The following FMNL2 variants were observed in gnomAD, a reference collection of about 807,000 sequenced individuals.
FMNL2 encodes the protein formin like 2.
Under a neutral mutation model 130.2 loss-of-function variants are expected in FMNL2, and 51 were observed. That is an observed-to-expected ratio of 0.39 (90% CI 0.31 to 0.49). The LOEUF (loss-of-function observed/expected upper bound fraction) is 0.49. Ranked by LOEUF, FMNL2 falls within the 20% of genes least tolerant of loss-of-function variation. FMNL2 has a pLI of 0.85. For missense variants in FMNL2, 977 were observed against 1,316.2 expected (o/e 0.74, Z 3.99); for synonymous variants, 465 against 467.1 (o/e 1.00, Z 0.06).
At chr2:152,461,004 C>G (rs1490593211) in intron 1 of FMNL2, among the ~76,000 whole-genome samples, 1 of 152,172 alleles carries the variant, frequency 6.6e-6, no homozygotes, top group South Asian at 2.1e-4. Flanking sequence ...ACTACCTGGT[C>G]CATGGAAAAA....
At chr2:152,335,743 G>GCGCGGGGA in intron 1 of FMNL2, 23 bp downstream of exon 1, 1 of 1,543,992 alleles carries the variant, frequency 6.5e-7, no homozygotes, top group Non-Finnish European at 8.7e-7. Context: ...CGGCGGTCGG[G>GCGCGGGGA]CGCGGGGACC....
At chr2:152,571,058 TC>T (rs1479946317) in intron 6 of FMNL2, among the ~76,000 whole-genome samples, 2 of 152,144 alleles carry the variant, frequency 1.3e-5, no homozygotes, top group African/African-American at 4.8e-5. Flanking sequence ...CCTCTCCAGT[TC>T]CACAGTAGCC....
intron 1 of FMNL2, among the ~76,000 whole-genome samples, chr2:152,397,795 T>C (rs1685481293): frequency 6.6e-6 from 1 of 152,138 alleles, no homozygotes; most frequent in Non-Finnish European, 1.5e-5. Context: ...ATGTCATTCT[T>C]CTCTGTGAGC....
intron 15 of FMNL2, among the ~76,000 whole-genome samples, chr2:152,622,036 A>G (rs1391279675): frequency 6.6e-6 from 1 of 152,148 alleles, no homozygotes; most frequent in East Asian, 1.9e-4. Context: ...TGTATTTTAT[A>G]GAGAAAATAG....
chr2:152,337,890 A>T (rs963269795), intron 1 of FMNL2, among the ~76,000 whole-genome samples: 1 of 152,116 alleles, frequency 6.6e-6, no homozygotes, highest in Non-Finnish European at 1.5e-5. Flanking sequence ...CTAGGGACGC[A>T]TTTGGACCAT....
intron 1 of FMNL2, among the ~76,000 whole-genome samples, chr2:152,368,988 TTA>T (rs1194497556): frequency 1.3e-5 from 2 of 152,214 alleles, no homozygotes; most frequent in Non-Finnish European, 2.9e-5. Context: ...TTGCATGTTT[TTA>T]GTCTGGACAT....
intron 9 of FMNL2, among the ~76,000 whole-genome samples, chr2:152,592,599 T>C (rs898336068): frequency 6.6e-6 from 1 of 152,230 alleles, no homozygotes; most frequent in Admixed American, 6.5e-5. Flanking sequence ...GTAAGGCTAC[T>C]ATTAGTTAAT....
At chr2:152,364,232 G>A (rs1267797446) in intron 1 of FMNL2, among the ~76,000 whole-genome samples, 2 of 141,066 alleles carry the variant, frequency 1.4e-5, no homozygotes, top group Non-Finnish European at 3.0e-5. Context: ...CATCCTTTAG[G>A]AGTTTCACAT....
At chr2:152,360,617 C>A (rs1233247132) in intron 1 of FMNL2, among the ~76,000 whole-genome samples, 1 of 152,150 alleles carries the variant, frequency 6.6e-6, no homozygotes, top group African/African-American at 2.4e-5. Context: ...TTGACAGCGA[C>A]TGGTGCTAAA....
At chr2:152,370,850 C>G (rs1274063096) in intron 1 of FMNL2, among the ~76,000 whole-genome samples, 1 of 152,172 alleles carries the variant, frequency 6.6e-6, no homozygotes, top group Non-Finnish European at 1.5e-5. Context: ...TTATTATCTC[C>G]CAGTGTCTAT....
intron 1 of FMNL2, among the ~76,000 whole-genome samples, chr2:152,510,343 C>T (rs1248467397): frequency 6.6e-6 from 1 of 152,136 alleles, no homozygotes; most frequent in African/African-American, 2.4e-5. Context: ...AGAGGACTAA[C>T]AAATTATTTT....
chr2:152,345,520 C>G (rs1305609026), intron 1 of FMNL2, among the ~76,000 whole-genome samples: 1 of 152,200 alleles, frequency 6.6e-6, no homozygotes, highest in Non-Finnish European at 1.5e-5. Flanking sequence ...ACCTAAAATG[C>G]AAAGGCAGTG....
intron 1 of FMNL2, among the ~76,000 whole-genome samples, chr2:152,464,354 A>G (rs1273357931): frequency 2.0e-5 from 3 of 152,156 alleles, no homozygotes; most frequent in Non-Finnish European, 4.4e-5. Context: ...GGCTTTAAAC[A>G]TGTTCTCTTT....
intron 1 of FMNL2, among the ~76,000 whole-genome samples, chr2:152,364,180 G>A (rs1397437506): frequency 1.3e-5 from 2 of 149,344 alleles, no homozygotes; most frequent in Non-Finnish European, 3.0e-5. Context: ...TGAGTGTCTT[G>A]GAAATCCAGA....
chr2:152,385,917 G>C (rs575376473), intron 1 of FMNL2, among the ~76,000 whole-genome samples: 2 of 152,208 alleles, frequency 1.3e-5, no homozygotes, highest in South Asian at 4.1e-4. Context: ...GTAATGAAAG[G>C]CTGTCAGCAA....
Position 152,618,940 on chromosome 2 carries a change from A to G in FMNL2, c.1409A>G (p.Lys470Arg), listed in dbSNP as rs746650153. ...ATTCAAAGACAGTCTACCCTGGAAA[A>G]AAAGATTCATGAGCTAGAGAAACAA... ...EAIQRQSTLE[K>R]KIHELEKQGT... Residue 470 changes from lysine (K) to arginine (R), a missense_variant, in exon 14 of 26, where the codon AAA becomes AGA. By Grantham distance (26) the Lys-to-Arg change is conservative. Transcript: ENST00000288670. 1 of 1,614,086 alleles carries G rather than the reference A, an allele frequency of 6.2e-7. No individual in the cohort carries two copies. Among genetic ancestry groups the G allele is most frequent in the Non-Finnish European group, 8.5e-7 (1 of 1,179,902 alleles).
chr2:152,630,607 A>G lies in FMNL2; in HGVS notation c.2550+702A>G, dbSNP rs913389980. Among the ~76,000 whole-genome samples, 16 of 152,316 alleles carry G rather than the reference A, an allele frequency of 1.1e-4. 2 individuals are homozygous for G. In the Middle Eastern group the frequency reaches 0.01, roughly 97 times the overall value. The stretch of plus-strand genomic sequence containing the variant: ...CATGAGAAGGCTGGGCAGTGGGTTG[A>G]GTCCCCCGACCAGGGAGCTAGTTAT... On this transcript the variant is annotated intron_variant, in intron 20 of 25. Coordinates refer to ENST00000288670, the MANE Select transcript of FMNL2 (RefSeq NM_052905.4).
intron 1 of FMNL2, among the ~76,000 whole-genome samples, chr2:152,491,795 A>G (rs1691212464): frequency 6.6e-6 from 1 of 152,100 alleles, no homozygotes; most frequent in Non-Finnish European, 1.5e-5. Context: ...TACTAAAAAT[A>G]CAAAAATTAG....
rs142197128 is a variant in FMNL2 at position 152,459,057 on chromosome 2, A to C, written c.118-62886A>C. Among the ~76,000 whole-genome samples the C allele has an allele frequency of 8.6e-3, 1,315 of 152,344 alleles. 11 individuals carry two copies. The highest frequency in any genetic ancestry group is 0.027 in the Middle Eastern group (8 of 294). ...GTTGAGAATTGGTAATAACCATTGT[A>C]ATGGCAAAATCACCAAACCTCTAGA... On this transcript the variant is annotated intron_variant, in intron 1 of 25. Transcript: ENST00000288670.
Sources: allele counts gnomAD v4.1 joint callset (sites outside exome capture counted in the v4.1 genomes callset), GRCh38; gene constraint gnomAD v4.1.1; transcripts MANE v1.5; gene names NCBI Gene and HGNC (gene_info 2026-07-23, HGNC 2026-07-21).